Variants in AQP9 observed in about 807,000 individuals in gnomAD.
AQP9 encodes the protein aquaporin-9.
In AQP9, 19 loss-of-function variants were observed where a neutral mutation model predicts 23.8. The observed-to-expected ratio is 0.80, with a 90% confidence interval of 0.56 to 1.17. The LOEUF (loss-of-function observed/expected upper bound fraction) is 1.17. AQP9 is among the 50% of genes most tolerant of loss of function. The probability of loss-of-function intolerance (pLI) is 0.00; values close to 1 mark genes in which losing one functional copy is unlikely to be tolerated. For missense variants in AQP9, 413 were observed against 362.0 expected (o/e 1.14, Z -1.14); for synonymous variants, 153 against 131.5 (o/e 1.16, Z -1.12).
At position 58,184,204 on chromosome 15, in the gene AQP9, G is replaced by T; in HGVS notation, c.*69G>T. On this transcript the variant is annotated 3_prime_UTR_variant, in exon 6 of 6. Coordinates refer to ENST00000219919, the MANE Select transcript of AQP9 (RefSeq NM_020980.5). ...TCAGAAAGATGGCATCTAAGTGTCTGTGTTCTTGTAAGCCTGAGGTGGAAT... is the reference window on the plus strand; with the variant it reads ...TCAGAAAGATGGCATCTAAGTGTCTTTGTTCTTGTAAGCCTGAGGTGGAAT... 1.3e-6 allele frequency: 2 copies of T among 1,525,908 alleles called. No individual in the cohort carries two copies. Among genetic ancestry groups the T allele is most frequent in the Non-Finnish European group, 1.8e-6 (2 of 1,117,978 alleles). 94.5% of individuals were successfully genotyped at this position (1,525,908 alleles called of 1,614,324 possible).
chr15:58,158,013 AG>A (rs1898299699), intron 1 of AQP9, among the ~76,000 whole-genome samples: 1 of 152,178 alleles, frequency 6.6e-6, no homozygotes, highest in Non-Finnish European at 1.5e-5. Flanking sequence ...GGTAAAGACC[AG>A]GAACTATAAG....
chr15:58,156,339 A>T (rs1051289589), intron 1 of AQP9, among the ~76,000 whole-genome samples: 4 of 152,230 alleles, frequency 2.6e-5, no homozygotes, highest in Middle Eastern at 3.2e-3. Flanking sequence ...TTAATCATAT[A>T]TAGTACATTA....
rs371207595 is a variant in AQP9 at position 58,174,915 on chromosome 15, T to C, written c.377-3T>C. On this transcript the variant is annotated splice_polypyrimidine_tract_variant and splice_region_variant and intron_variant, in intron 3 of 5. Coordinates refer to ENST00000219919, the MANE Select transcript of AQP9 (RefSeq NM_020980.5). ...TAATGTGCCAGAGCTTTCTCTTTCA[T>C]AGATGGACTTATGTCCTTTGCTGGT... 3 of 1,613,258 alleles carry C rather than the reference T, an allele frequency of 1.9e-6. No individual in the cohort carries two copies. Among genetic ancestry groups the C allele is most frequent in the South Asian group, 1.1e-5 (1 of 91,070 alleles).
Position 58,166,730 on chromosome 15 carries a change from G to C in AQP9, c.169G>C (p.Val57Leu). Residue 57 changes from valine (V) to leucine (L), a missense_variant, in exon 2 of 6, where the codon GTC (valine) becomes CTC (leucine). Physicochemically the swap from Val to Leu is conservative, Grantham distance 32. Coordinates refer to ENST00000219919, the MANE Select transcript of AQP9 (RefSeq NM_020980.5). ...TCTCAGTCGAGGACGTTTTGGAGGGGTCATCACTATCAATGTTGGATTTTC... is the reference window on the plus strand; with the variant it reads ...TCTCAGTCGAGGACGTTTTGGAGGGCTCATCACTATCAATGTTGGATTTTC... ...AILSRGRFGG[V>L]ITINVGFSMA... The C allele has an allele frequency of 6.2e-7, 1 of 1,613,962 alleles. No individual in the cohort carries two copies. The highest frequency in any genetic ancestry group is 8.5e-7 in the Non-Finnish European group (1 of 1,179,874).
At chr15:58,173,311 C>A (rs1898665983) in intron 3 of AQP9, 106 bp downstream of exon 3, 1 of 1,478,024 alleles carries the variant, frequency 6.8e-7, no homozygotes, top group Non-Finnish European at 9.2e-7. Flanking sequence ...GGGAAGCATT[C>A]TACAAGTGAC....
rs1387568179 is a variant in AQP9, at chr15:58,180,932, A to C, written c.713+1587A>C. Among the ~76,000 whole-genome samples the C allele has an allele frequency of 5.9e-5, 9 of 152,320 alleles. No individual in the cohort carries two copies. In the East Asian group the frequency reaches 1.7e-3, roughly 29 times the overall value. ...TGGATCTCTTGTATCTTTCCAATGG[A>C]GCATCAAAAACATATGTCCTAAGGA... is the stretch of plus-strand genomic sequence containing the variant. On this transcript the variant is annotated intron_variant, in intron 5 of 5. Transcript: ENST00000219919.
intron 1 of AQP9, among the ~76,000 whole-genome samples, chr15:58,156,694 T>C (rs1389364848): frequency 6.6e-6 from 1 of 152,128 alleles, no homozygotes; most frequent in Non-Finnish European, 1.5e-5. Context: ...GCAACCTTCA[T>C]TTAACTCAAA....
intron 1 of AQP9, among the ~76,000 whole-genome samples, chr15:58,162,075 G>A (rs1898395921): frequency 6.6e-6 from 1 of 152,174 alleles, no homozygotes; most frequent in Non-Finnish European, 1.5e-5. Context: ...CCATGGCTAA[G>A]TGTCCCACCA....
At chr15:58,167,100 T>A (rs1898525451) in intron 2 of AQP9, among the ~76,000 whole-genome samples, 1 of 152,226 alleles carries the variant, frequency 6.6e-6, no homozygotes, top group Admixed American at 6.5e-5. Flanking sequence ...CTTGCTCTAG[T>A]CCACATTTGG....
intron 1 of AQP9, among the ~76,000 whole-genome samples, chr15:58,165,321 T>C (rs1470292644): frequency 1.3e-5 from 2 of 152,218 alleles, no homozygotes; most frequent in African/African-American, 4.8e-5. Context: ...TGGACTGTGA[T>C]TAAATGGTTT....
chr15:58,180,261 G>A (rs1898852551), intron 5 of AQP9, among the ~76,000 whole-genome samples: 1 of 152,190 alleles, frequency 6.6e-6, no homozygotes, highest in South Asian at 2.1e-4. Flanking sequence ...AAAAACATGT[G>A]TGAGCAAATT....
At chr15:58,180,467 T>C (rs1898860855) in intron 5 of AQP9, among the ~76,000 whole-genome samples, 1 of 152,092 alleles carries the variant, frequency 6.6e-6, no homozygotes, top group Non-Finnish European at 1.5e-5. Context: ...TTGACAGCCT[T>C]TTCCCCTGGT....
At chr15:58,139,860 C>T (rs184481610) in intron 1 of AQP9, among the ~76,000 whole-genome samples, 3 of 152,302 alleles carry the variant, frequency 2.0e-5, no homozygotes, top group Non-Finnish European at 2.9e-5. Flanking sequence ...GGCATTCATT[C>T]CTGGCTGCTC....
chr15:58,165,880 A>C (rs1898490426), intron 1 of AQP9, among the ~76,000 whole-genome samples: 1 of 152,212 alleles, frequency 6.6e-6, no homozygotes, highest in Non-Finnish European at 1.5e-5. Context: ...GAGGGAATAC[A>C]AGAAGCAGTG....
intron 1 of AQP9, among the ~76,000 whole-genome samples, chr15:58,143,603 A>G (rs1298252183): frequency 4.6e-5 from 7 of 152,264 alleles, no homozygotes; most frequent in Non-Finnish European, 1.0e-4. Context: ...ACAGTTGCCT[A>G]TAAGAATATA....
Position 58,139,615 on chromosome 15 carries a change from T to A in AQP9, c.111+939T>A, listed in dbSNP as rs150519134. On this transcript the variant is annotated intron_variant, in intron 1 of 5. Coordinates refer to ENST00000219919, the MANE Select transcript of AQP9 (RefSeq NM_020980.5). The stretch of plus-strand genomic sequence containing the variant: ...AAGTTATAGAGAATAGCCCATAAAC[T>A]CTGTGCATTAAAAGTTCTTTGCTTG... Among the ~76,000 whole-genome samples, 260 of 152,322 alleles carry A rather than the reference T, an allele frequency of 1.7e-3. 1 individual carries two copies. Among genetic ancestry groups the A allele is most frequent in the African/African-American group, 5.8e-3 (242 of 41,580 alleles).
At chr15:58,142,738 T>C (rs1897972862) in intron 1 of AQP9, among the ~76,000 whole-genome samples, 1 of 152,244 alleles carries the variant, frequency 6.6e-6, no homozygotes, top group South Asian at 2.1e-4. Context: ...TGTCTTGCTT[T>C]CTGGCTCAAC....
intron 1 of AQP9, among the ~76,000 whole-genome samples, chr15:58,146,016 T>C (rs1452512815): frequency 6.6e-6 from 1 of 152,234 alleles, no homozygotes; most frequent in Non-Finnish European, 1.5e-5. Context: ...TCCTTAATAA[T>C]CTGAATTTAT....
At chr15:58,160,425 G>A (rs1200768645) in intron 1 of AQP9, among the ~76,000 whole-genome samples, 1 of 152,130 alleles carries the variant, frequency 6.6e-6, no homozygotes, top group Non-Finnish European at 1.5e-5. Flanking sequence ...CAGATGGATA[G>A]GCCAAACTAA....
Sources: allele counts gnomAD v4.1 joint callset (sites outside exome capture counted in the v4.1 genomes callset), GRCh38; gene constraint gnomAD v4.1.1; transcripts MANE v1.5; gene names NCBI Gene and HGNC (gene_info 2026-07-23, HGNC 2026-07-21).